Variants in CDH13 observed in about 807,000 individuals in gnomAD.
CDH13 encodes the protein cadherin 13.
CDH13 carries 24 observed loss-of-function variants against 63.8 expected under a neutral mutation model. That is an observed-to-expected ratio of 0.38 (90% CI 0.27 to 0.53). The LOEUF is 0.53. Among genes scored for constraint, CDH13 ranks in the 20% least tolerant of loss-of-function variants. The probability of loss-of-function intolerance (pLI) is 0.85; values close to 1 mark genes in which losing one functional copy is unlikely to be tolerated. For synonymous variants in CDH13, 503 were observed against 355.3 expected (o/e 1.42, Z -4.67); for missense variants, 1,049 against 903.1 (o/e 1.16, Z -2.07).
chr16:83,123,057 A>G (rs2151640575), intron 3 of CDH13, among the ~76,000 whole-genome samples: 1 of 151,962 alleles, frequency 6.6e-6, no homozygotes, highest in South Asian at 2.1e-4. Flanking sequence ...TTTCCTTTGG[A>G]TCATGTCTTC....
intron 5 of CDH13, among the ~76,000 whole-genome samples, chr16:83,296,902 T>C (rs1172681442): frequency 1.3e-5 from 2 of 152,168 alleles, no homozygotes; most frequent in Non-Finnish European, 2.9e-5. Context: ...TCATGATGGA[T>C]TGGCATATTC....
chr16:82,776,156 G>A (rs530822106), intron 1 of CDH13, among the ~76,000 whole-genome samples: 2 of 151,984 alleles, frequency 1.3e-5, no homozygotes, highest in African/African-American at 2.4e-5. Flanking sequence ...GTTGCAGTGA[G>A]CCGTGATTGT....
At chr16:83,793,045 A>G (rs1916376597) in intron 13 of CDH13, among the ~76,000 whole-genome samples, 1 of 152,204 alleles carries the variant, frequency 6.6e-6, no homozygotes, top group Non-Finnish European at 1.5e-5. Flanking sequence ...TAGGAGTGAG[A>G]ACAAAGGTCA....
At chr16:83,349,964 C>T (rs1377948728) in intron 6 of CDH13, among the ~76,000 whole-genome samples, 3 of 152,058 alleles carry the variant, frequency 2.0e-5, no homozygotes, top group African/African-American at 7.2e-5. Context: ...TTTTGGGGAG[C>T]TCAAGGAAAT....
intron 8 of CDH13, among the ~76,000 whole-genome samples, chr16:83,646,838 T>A (rs183735893): frequency 6.6e-6 from 1 of 152,088 alleles, no homozygotes; most frequent in African/African-American, 2.4e-5. Context: ...CCTGGTCTGA[T>A]GGCTTCTTCT....
chr16:83,146,642 A>G (rs775596921), intron 4 of CDH13, among the ~76,000 whole-genome samples: 45 of 152,382 alleles, frequency 3.0e-4, no homozygotes, highest in Admixed American at 2.0e-3. Flanking sequence ...ATGGTATTCA[A>G]CAGGCATCCC....
intron 4 of CDH13, among the ~76,000 whole-genome samples, chr16:83,125,726 G>A (rs569104883): frequency 2.6e-5 from 4 of 152,304 alleles, no homozygotes; most frequent in African/African-American, 9.6e-5. Context: ...GATCAACATG[G>A]TAGATGATGT....
Position 83,798,915 on chromosome 16 carries a change from G to T in CDH13, c.*3885G>T, listed in dbSNP as rs986849941. ...GTTCTAAATTAATATTGAGACCTTA[G>T]AAATTTTTCCTGTGCAAGATAACGT... On this transcript the variant is annotated 3_prime_UTR_variant, in exon 14 of 14. Transcript: ENST00000567109. The T allele has an allele frequency of 6.6e-6, 1 of 151,922 alleles. No individual in the cohort carries two copies. Among genetic ancestry groups the T allele is most frequent in the Non-Finnish European group, 1.5e-5 (1 of 68,002 alleles). The allele number at this position is 151,922 out of a possible 1,614,324, so 9.4% of individuals were successfully genotyped here.
At chr16:82,774,963 G>C (rs2035429046) in intron 1 of CDH13, among the ~76,000 whole-genome samples, 1 of 152,184 alleles carries the variant, frequency 6.6e-6, no homozygotes, top group South Asian at 2.1e-4. Flanking sequence ...GAAATAAAAT[G>C]GATCAGTTCT....
intron 7 of CDH13, among the ~76,000 whole-genome samples, chr16:83,523,009 T>C (rs1319438377): frequency 6.6e-6 from 1 of 152,210 alleles, no homozygotes; most frequent in African/African-American, 2.4e-5. Flanking sequence ...CCTGGCTGAA[T>C]TATACTCACC....
chr16:83,408,444 G>A (rs553688421), intron 6 of CDH13, among the ~76,000 whole-genome samples: 17 of 152,078 alleles, frequency 1.1e-4, no homozygotes, highest in East Asian at 1.9e-4. Context: ...TGCCTCTTGC[G>A]CCTAGGCTAC....
intron 1 of CDH13, among the ~76,000 whole-genome samples, chr16:82,696,730 T>A (rs772542376): frequency 6.6e-6 from 1 of 152,242 alleles, no homozygotes; most frequent in East Asian, 1.9e-4. Flanking sequence ...AATTATCTAT[T>A]GTTGCATTAG....
chr16:83,478,836 GAAAAAAAA>G (rs374669824), intron 6 of CDH13, among the ~76,000 whole-genome samples: 5,371 of 112,300 alleles, frequency 0.048, 325 homozygotes, highest in African/African-American at 0.16. Flanking sequence ...TTGAAGATGA[GAAAAAAAA>G]AAAAAAAAAG....
chr16:82,728,372 A>G (rs1038628019), intron 1 of CDH13, among the ~76,000 whole-genome samples: 1 of 152,078 alleles, frequency 6.6e-6, no homozygotes, highest in African/African-American at 2.4e-5. Context: ...GTACAGGCAC[A>G]CCTCAGAGAT....
In CDH13 at chr16:82,668,915, C is replaced by A. The variant is rs151039068; in HGVS notation, c.45+41778C>A. Among the ~76,000 whole-genome samples the A allele has an allele frequency of 4.0e-4, 61 of 152,322 alleles. No homozygotes were observed. The East Asian group carries it at 0.011, about 26-fold the overall frequency. On this transcript the variant is annotated intron_variant, in intron 1 of 13. Transcript: ENST00000567109. ...CAGAATTTCTGTGCATGTGAGTTTACCCCTGTGTAAAGTGAAGATGACAAC... is the reference window on the plus strand; with the variant it reads ...CAGAATTTCTGTGCATGTGAGTTTAACCCTGTGTAAAGTGAAGATGACAAC...
At chr16:83,726,697 G>A (rs536642874) in intron 10 of CDH13, among the ~76,000 whole-genome samples, 11 of 152,138 alleles carry the variant, frequency 7.2e-5, no homozygotes, top group Non-Finnish European at 1.5e-4. Flanking sequence ...AATTAGCCGA[G>A]CGTGGAGGCG....
chr16:83,230,634 A>G (rs1335738967), intron 5 of CDH13, among the ~76,000 whole-genome samples: 1 of 152,166 alleles, frequency 6.6e-6, no homozygotes, highest in Non-Finnish European at 1.5e-5. Context: ...TAAAAACACA[A>G]AAATTAGCTG....
At chr16:82,988,778 A>T (rs1377448131) in intron 2 of CDH13, among the ~76,000 whole-genome samples, 1 of 147,112 alleles carries the variant, frequency 6.8e-6, no homozygotes, top group Non-Finnish European at 1.5e-5. Flanking sequence ...AAAAAAAAAA[A>T]TGCGAGTAAT....
intron 1 of CDH13, among the ~76,000 whole-genome samples, chr16:82,646,702 G>T (rs7203382): frequency 6.6e-6 from 1 of 152,052 alleles, no homozygotes; most frequent in East Asian, 1.9e-4. Context: ...CCCATCTACA[G>T]ATGAGAAAAC....
Sources: allele counts gnomAD v4.1 joint callset (sites outside exome capture counted in the v4.1 genomes callset), GRCh38; gene constraint gnomAD v4.1.1; transcripts MANE v1.5; gene names NCBI Gene and HGNC (gene_info 2026-07-23, HGNC 2026-07-21).